XRCC4: variants seen among roughly 807,000 people sequenced by gnomAD.
XRCC4 encodes the protein X-ray repair cross complementing 4.
XRCC4 carries 28 observed loss-of-function variants against 39.1 expected under a neutral mutation model. The ratio of observed to expected loss-of-function variants is 0.72; its 90% CI spans 0.53 to 0.98. The LOEUF is 0.98. XRCC4 is among the 50% of genes least tolerant of loss of function. The pLI, the probability that XRCC4 is intolerant of heterozygous loss-of-function variation, is 0.00. For missense variants in XRCC4, 350 were observed against 376.4 expected (o/e 0.93, Z 0.58); for synonymous variants, 123 against 126.4 (o/e 0.97, Z 0.18).
At chr5:83,243,001 T>G (rs1752971332) in intron 6 of XRCC4, among the ~76,000 whole-genome samples, 1 of 152,240 alleles carries the variant, frequency 6.6e-6, no homozygotes, top group Admixed American at 6.5e-5. Context: ...CATTGCTATT[T>G]AGATTTTCAA....
At chr5:83,313,466 T>TC (rs949908247) in intron 7 of XRCC4, among the ~76,000 whole-genome samples, 18 of 152,050 alleles carry the variant, frequency 1.2e-4, no homozygotes, top group East Asian at 1.9e-4. Context: ...TTGGGTTTTT[T>TC]CCCCCCAGTT....
At chr5:83,163,904 G>A (rs1749337567) in intron 3 of XRCC4, among the ~76,000 whole-genome samples, 1 of 152,192 alleles carries the variant, frequency 6.6e-6, no homozygotes, top group African/African-American at 2.4e-5. Flanking sequence ...TGAGAGCAGT[G>A]TGGCTTTGAA....
intron 6 of XRCC4, among the ~76,000 whole-genome samples, chr5:83,249,195 G>A (rs1753219448): frequency 6.6e-6 from 1 of 151,886 alleles, no homozygotes. Flanking sequence ...CATAGTTATC[G>A]AGACAATGAC....
At chr5:83,233,069 T>TA (rs1752555821) in intron 6 of XRCC4, among the ~76,000 whole-genome samples, 1 of 152,180 alleles carries the variant, frequency 6.6e-6, no homozygotes, top group African/African-American at 2.4e-5. Flanking sequence ...AACCATTTTT[T>TA]ATGGGTGAAC....
At chr5:83,161,397 G>T (rs1749206447) in intron 3 of XRCC4, among the ~76,000 whole-genome samples, 1 of 152,148 alleles carries the variant, frequency 6.6e-6, no homozygotes, top group Admixed American at 6.5e-5. Flanking sequence ...CTCCCAAAGT[G>T]CTAGGATTAC....
intron 3 of XRCC4, among the ~76,000 whole-genome samples, chr5:83,189,987 C>T (rs144667812): frequency 6.6e-6 from 1 of 152,226 alleles, no homozygotes; most frequent in Non-Finnish European, 1.5e-5. Flanking sequence ...TCACTTGAAC[C>T]CAGGAGGCGG....
intron 3 of XRCC4, among the ~76,000 whole-genome samples, chr5:83,117,233 GT>G (rs1283274809): frequency 6.6e-6 from 1 of 152,056 alleles, no homozygotes; most frequent in Non-Finnish European, 1.5e-5. Flanking sequence ...GATTGTTCTG[GT>G]TGAAAGCATA....
intron 6 of XRCC4, among the ~76,000 whole-genome samples, chr5:83,237,878 AAAAT>A (rs1224815828): frequency 2.6e-5 from 4 of 152,254 alleles, no homozygotes; most frequent in Non-Finnish European, 5.9e-5. Context: ...TATCCATAAT[AAAAT>A]AATTTTTAAA....
chr5:83,170,686 C>A (rs1017305268), intron 3 of XRCC4, among the ~76,000 whole-genome samples: 20 of 152,206 alleles, frequency 1.3e-4, no homozygotes, highest in African/African-American at 4.1e-4. Flanking sequence ...GAACCCAGTC[C>A]CCTTTAAGGG....
chr5:83,078,013 A>G (rs1170098486), intron 1 of XRCC4: 3 of 152,254 alleles, frequency 2.0e-5, no homozygotes. Flanking sequence ...AGATATTGGT[A>G]AACTGTGGGT....
intron 7 of XRCC4, among the ~76,000 whole-genome samples, chr5:83,291,800 A>G (rs1304423610): frequency 6.6e-6 from 1 of 151,910 alleles, no homozygotes; most frequent in Non-Finnish European, 1.5e-5. Context: ...GGACATGATG[A>G]TAAGAGAAGA....
chr5:83,210,796 C>T (rs969726118), intron 6 of XRCC4, among the ~76,000 whole-genome samples: 1 of 152,194 alleles, frequency 6.6e-6, no homozygotes, highest in Non-Finnish European at 1.5e-5. Flanking sequence ...GCACATATTT[C>T]TGTTGAAGTC....
chr5:83,204,856 C>G lies in XRCC4; in HGVS notation c.680C>G (p.Pro227Arg). Reference sequence around the variant, plus strand: ...TCTGAAATGACTGCTGACCGAGATCCAGTCTATGATGAGAGTACTGATGAG... The same window carrying G: ...TCTGAAATGACTGCTGACCGAGATCGAGTCTATGATGAGAGTACTGATGAG... ...ICSEMTADRD[P>R]VYDESTDEES... is the part of the protein sequence containing the mutation. Residue 227 changes from proline to arginine, a missense_variant, in exon 6 of 8, where the codon CCA becomes CGA. Coordinates refer to ENST00000396027, the MANE Select transcript of XRCC4 (RefSeq NM_003401.5). 6.2e-7 allele frequency: 1 copy of G among 1,612,144 alleles called. No individual in the cohort carries two copies. Among genetic ancestry groups the G allele is most frequent in the Non-Finnish European group, 8.5e-7 (1 of 1,178,698 alleles).
intron 6 of XRCC4, among the ~76,000 whole-genome samples, chr5:83,207,673 G>T (rs1751472276): frequency 6.6e-6 from 1 of 151,998 alleles, no homozygotes; most frequent in Non-Finnish European, 1.5e-5. Context: ...AAAGAAAATT[G>T]TAGATGTTAA....
At chr5:83,247,063 T>G (rs139561679) in intron 6 of XRCC4, among the ~76,000 whole-genome samples, 108 of 152,314 alleles carry the variant, frequency 7.1e-4, no homozygotes, top group African/African-American at 2.5e-3. Flanking sequence ...AGAAAATATT[T>G]TAAAATAGTT....
intron 7 of XRCC4, among the ~76,000 whole-genome samples, chr5:83,309,781 A>G (rs913192397): frequency 6.7e-5 from 9 of 133,464 alleles, no homozygotes; most frequent in East Asian, 2.2e-4. Context: ...AAAAAAAAAA[A>G]GGGATTAAGG....
intron 7 of XRCC4, among the ~76,000 whole-genome samples, chr5:83,301,105 A>T (rs1167602248): frequency 1.3e-5 from 2 of 152,110 alleles, no homozygotes; most frequent in Non-Finnish European, 2.9e-5. Context: ...CAGTAATGAG[A>T]TTGCTGGTCA....
chr5:83,164,347 A>T (rs375864439), intron 3 of XRCC4, among the ~76,000 whole-genome samples: 1 of 152,294 alleles, frequency 6.6e-6, no homozygotes, highest in African/African-American at 2.4e-5. Flanking sequence ...ATTTTCAATA[A>T]ATCATTCCTT....
intron 6 of XRCC4, among the ~76,000 whole-genome samples, chr5:83,233,330 T>G (rs186089385): frequency 9.6e-4 from 146 of 152,280 alleles, no homozygotes; most frequent in Non-Finnish European, 1.5e-3. Context: ...GTACCCTTGA[T>G]TCTGACTTTT....
Sources: gnomAD v4.1 joint callset for allele counts (sites outside exome capture counted in the v4.1 genomes callset) on GRCh38, gnomAD v4.1.1 for gene constraint, MANE v1.5 for transcripts, NCBI Gene and HGNC (gene_info 2026-07-23, HGNC 2026-07-21) for gene names.